SGCZ: variants seen among roughly 807,000 people sequenced by gnomAD.
The protein encoded by SGCZ is zeta-sarcoglycan.
Under a neutral mutation model 41.3 loss-of-function variants are expected in SGCZ, and 40 were observed. The ratio of observed to expected loss-of-function variants is 0.97; its 90% CI spans 0.75 to 1.26. SGCZ has a LOEUF of 1.26. SGCZ is among the 50% of genes most tolerant of loss of function. The probability of loss-of-function intolerance (pLI) is 0.00; values close to 1 mark genes in which losing one functional copy is unlikely to be tolerated. For synonymous variants in SGCZ, 206 were observed against 137.5 expected, an observed-to-expected ratio of 1.50 and a Z score of -3.49; for missense variants, 552 against 369.8, an observed-to-expected ratio of 1.49 and a Z score of -4.04.
At chr8:14,370,293 G>T (rs1803864853) in intron 2 of SGCZ, among the ~76,000 whole-genome samples, 1 of 151,936 alleles carries the variant, frequency 6.6e-6, no homozygotes, top group South Asian at 2.1e-4. Flanking sequence ...ATAGGAAATT[G>T]TTGGCTTGGT....
intron 1 of SGCZ, among the ~76,000 whole-genome samples, chr8:14,640,500 T>C (rs1585146506): frequency 6.6e-6 from 1 of 151,788 alleles, no homozygotes; most frequent in Non-Finnish European, 1.5e-5. Context: ...TCCTCTTCTT[T>C]TTTCATCAGT....
At chr8:15,055,919 C>T (rs1804686480) in intron 1 of SGCZ, among the ~76,000 whole-genome samples, 1 of 152,172 alleles carries the variant, frequency 6.6e-6, no homozygotes, top group Admixed American at 6.5e-5. Flanking sequence ...ATCTAAAACC[C>T]TGCCATCCTT....
intron 3 of SGCZ, among the ~76,000 whole-genome samples, chr8:14,240,113 G>A (rs1460749615): frequency 6.6e-6 from 1 of 151,570 alleles, no homozygotes; most frequent in Non-Finnish European, 1.5e-5. Flanking sequence ...GATCACCTGA[G>A]GCCAGGAGTT....
At chr8:14,382,835 A>G (rs938698277) in intron 2 of SGCZ, among the ~76,000 whole-genome samples, 1 of 152,178 alleles carries the variant, frequency 6.6e-6, no homozygotes, top group Non-Finnish European at 1.5e-5. Context: ...CAGAGAACAA[A>G]TTCAAACCAA....
At chr8:14,640,840 C>G (rs1435180197) in intron 1 of SGCZ, among the ~76,000 whole-genome samples, 1 of 151,628 alleles carries the variant, frequency 6.6e-6, no homozygotes, top group African/African-American at 2.4e-5. Flanking sequence ...CCTGCAAGTT[C>G]TGAATACTCT....
intron 5 of SGCZ, among the ~76,000 whole-genome samples, chr8:14,117,176 A>G (rs1408631334): frequency 6.6e-6 from 1 of 152,108 alleles, no homozygotes; most frequent in African/African-American, 2.4e-5. Context: ...AAAATAATGC[A>G]TTAGAGATGA....
chr8:14,899,339 TACA>T (rs1051062293), intron 1 of SGCZ, among the ~76,000 whole-genome samples: 36 of 152,308 alleles, frequency 2.4e-4, no homozygotes, highest in African/African-American at 7.9e-4. Flanking sequence ...CCAATATTTG[TACA>T]ACAACTGTTA....
intron 1 of SGCZ, among the ~76,000 whole-genome samples, chr8:14,923,414 C>T (rs776726619): frequency 1.6e-4 from 25 of 152,108 alleles, no homozygotes; most frequent in Admixed American, 1.6e-3. Context: ...TAACAGAAGT[C>T]GGATGTGCAG....
At chr8:14,692,034 A>AT (rs1808816525) in intron 1 of SGCZ, among the ~76,000 whole-genome samples, 1 of 152,084 alleles carries the variant, frequency 6.6e-6, no homozygotes, top group Admixed American at 6.5e-5. Context: ...ATAATTTCTA[A>AT]TTTTATTTTA....
intron 1 of SGCZ, among the ~76,000 whole-genome samples, chr8:15,004,184 A>T (rs1198089511): frequency 6.6e-6 from 1 of 152,150 alleles, no homozygotes; most frequent in Non-Finnish European, 1.5e-5. Flanking sequence ...GCTGTTAAGG[A>T]CGGCAAGAGG....
chr8:15,184,983 T>C (rs565114311), intron 1 of SGCZ, among the ~76,000 whole-genome samples: 2 of 152,300 alleles, frequency 1.3e-5, no homozygotes, highest in African/African-American at 4.8e-5. Flanking sequence ...AGACTGTAAA[T>C]GCCCTATTAC....
At chr8:14,159,130 A>G (rs745580463) in intron 5 of SGCZ, among the ~76,000 whole-genome samples, 109 of 152,192 alleles carry the variant, frequency 7.2e-4, no homozygotes, top group Admixed American at 1.4e-3. Flanking sequence ...GATACATGGC[A>G]GGATAAATTA....
chr8:14,110,899 A>G (rs1802351195), intron 5 of SGCZ, among the ~76,000 whole-genome samples: 1 of 152,062 alleles, frequency 6.6e-6, no homozygotes, highest in Admixed American at 6.6e-5. Context: ...TCTACTAAAA[A>G]TACAAAAATT....
intron 1 of SGCZ, among the ~76,000 whole-genome samples, chr8:14,975,807 ATATG>A (rs746687569): frequency 0.028 from 3,125 of 112,404 alleles, 119 homozygotes; most frequent in African/African-American, 0.087. Context: ...ATATATATAT[ATATG>A]TGTGTGTGTG....
rs142024580 is a variant in SGCZ at position 15,150,280 on chromosome 8, T to C, written c.39+87305A>G. On this transcript the variant is annotated intron_variant, in intron 1 of 7. Coordinates refer to ENST00000382080, the MANE Select transcript of SGCZ (RefSeq NM_139167.4). ...ATTTTTACAAAGTTATTACAATTGA[T>C]AAAAAATTAAAACTGTCAGCTATTC... Among the ~76,000 whole-genome samples, 1,047 of 152,314 alleles carry C rather than the reference T, an allele frequency of 6.9e-3. 8 individuals carry two copies. The highest frequency in any genetic ancestry group is 0.024 in the African/African-American group (1,000 of 41,568).
chr8:15,055,672 C>T (rs1211057533), intron 1 of SGCZ, among the ~76,000 whole-genome samples: 1 of 152,224 alleles, frequency 6.6e-6, no homozygotes, highest in Non-Finnish European at 1.5e-5. Flanking sequence ...GTGCTGCTGG[C>T]TGCCACTGTC....
chr8:15,204,147 C>T (rs1800985404), intron 1 of SGCZ, among the ~76,000 whole-genome samples: 1 of 151,386 alleles, frequency 6.6e-6, no homozygotes, highest in Admixed American at 6.6e-5. Flanking sequence ...TTGAAAATTG[C>T]TGGAGAGAAC....
intron 1 of SGCZ, among the ~76,000 whole-genome samples, chr8:14,566,016 T>C (rs1458610177): frequency 6.6e-6 from 1 of 152,198 alleles, no homozygotes; most frequent in African/African-American, 2.4e-5. Flanking sequence ...TATGGGAAAT[T>C]CGTTCTGCTT....
chr8:15,167,676 T>C (rs1799706051), intron 1 of SGCZ, among the ~76,000 whole-genome samples: 1 of 46,900 alleles, frequency 2.1e-5, no homozygotes, highest in African/African-American at 5.3e-5. Context: ...TAATTTGGGA[T>C]GTTTAAAAAA....
Sources: gnomAD v4.1 joint callset for allele counts (sites outside exome capture counted in the v4.1 genomes callset) on GRCh38, gnomAD v4.1.1 for gene constraint, MANE v1.5 for transcripts, NCBI Gene and HGNC (gene_info 2026-07-23, HGNC 2026-07-21) for gene names.